Variants in SH3RF3 observed in about 807,000 individuals in gnomAD.
The protein encoded by SH3RF3 is SH3 domain containing ring finger 3, also known as E3 ubiquitin-protein ligase SH3RF3.
SH3RF3 carries 29 observed loss-of-function variants against 66.3 expected under a neutral mutation model. The ratio of observed to expected loss-of-function variants is 0.44; its 90% CI spans 0.33 to 0.60. SH3RF3 has a LOEUF of 0.60. Ranked by LOEUF, SH3RF3 falls within the 20% of genes least tolerant of loss-of-function variation. The pLI is 0.04. For synonymous variants in SH3RF3, 583 were observed against 532.0 expected (o/e 1.10, Z -1.32); for missense variants, 1,194 against 1,190.9 (o/e 1.00, Z -0.04).
intron 1 of SH3RF3, among the ~76,000 whole-genome samples, chr2:109,138,618 T>G (rs965146720): frequency 1.3e-5 from 2 of 152,214 alleles, no homozygotes; most frequent in Non-Finnish European, 2.9e-5. Context: ...CATTCTAGTC[T>G]TCCTGTTCAT....
At chr2:109,355,685 G>T (rs1426460346) in intron 2 of SH3RF3, among the ~76,000 whole-genome samples, 1 of 152,216 alleles carries the variant, frequency 6.6e-6, no homozygotes. Flanking sequence ...GTGTGCATCT[G>T]TTGGGAAACA....
chr2:109,457,569 C>T (rs145170370), intron 8 of SH3RF3, among the ~76,000 whole-genome samples: 1 of 152,358 alleles, frequency 6.6e-6, no homozygotes, highest in Non-Finnish European at 1.5e-5. Context: ...ACGAGCTGAA[C>T]AAGCAAGCGA....
intron 1 of SH3RF3, among the ~76,000 whole-genome samples, chr2:109,288,680 C>T (rs537880303): frequency 2.0e-5 from 3 of 152,238 alleles, no homozygotes; most frequent in African/African-American, 7.2e-5. Context: ...GTTTTTTTCT[C>T]TTTGCCGGGA....
At chr2:109,497,275 G>A (rs1361256286) in intron 9 of SH3RF3, among the ~76,000 whole-genome samples, 1 of 152,150 alleles carries the variant, frequency 6.6e-6, no homozygotes, top group African/African-American at 2.4e-5. Context: ...CACATTCCAT[G>A]GACTCAGGGG....
chr2:109,286,608 G>A (rs1681035303), intron 1 of SH3RF3, among the ~76,000 whole-genome samples: 1 of 152,212 alleles, frequency 6.6e-6, no homozygotes, highest in Admixed American at 6.5e-5. Context: ...CACATGGTGA[G>A]GGGAGCTTCC....
chr2:109,356,603 TC>T (rs1332044081), intron 2 of SH3RF3, among the ~76,000 whole-genome samples: 1 of 152,196 alleles, frequency 6.6e-6, no homozygotes, highest in East Asian at 1.9e-4. Flanking sequence ...CAAAGGCCCA[TC>T]CCAGGGCTTG....
intron 5 of SH3RF3, among the ~76,000 whole-genome samples, chr2:109,430,450 C>T (rs1363917180): frequency 6.6e-6 from 1 of 151,992 alleles, no homozygotes; most frequent in East Asian, 1.9e-4. Flanking sequence ...AGCCACCCTC[C>T]TCTCCTCTCC....
chr2:109,422,139 A>G (rs1159204416), intron 5 of SH3RF3, among the ~76,000 whole-genome samples: 1 of 152,224 alleles, frequency 6.6e-6, no homozygotes, highest in Non-Finnish European at 1.5e-5. Flanking sequence ...TCTGTAAGTC[A>G]CGTTCAGAAG....
chr2:109,272,887 C>T (rs552408175), intron 1 of SH3RF3, among the ~76,000 whole-genome samples: 13 of 152,310 alleles, frequency 8.5e-5, no homozygotes, highest in South Asian at 8.3e-4. Context: ...ATCCCTGACC[C>T]GGTTCCCTTG....
chr2:109,193,350 T>C (rs1678415895), intron 1 of SH3RF3, among the ~76,000 whole-genome samples: 1 of 152,232 alleles, frequency 6.6e-6, no homozygotes, highest in South Asian at 2.1e-4. Flanking sequence ...TCAGTGGTTT[T>C]AGTATATTCA....
intron 1 of SH3RF3, among the ~76,000 whole-genome samples, chr2:109,180,829 T>G (rs935208147): frequency 5.3e-5 from 8 of 152,154 alleles, no homozygotes; most frequent in Non-Finnish European, 8.8e-5. Context: ...ACTAATATAC[T>G]CAGTCAGCTA....
chr2:109,451,747 T>C (rs1254095926), intron 8 of SH3RF3, among the ~76,000 whole-genome samples: 1 of 152,264 alleles, frequency 6.6e-6, no homozygotes, highest in Non-Finnish European at 1.5e-5. Context: ...TCCCTCTTGA[T>C]GAAAGGCGAC....
chr2:109,264,433 C>A (rs1449358531), intron 1 of SH3RF3, among the ~76,000 whole-genome samples: 2 of 152,228 alleles, frequency 1.3e-5, no homozygotes, highest in Non-Finnish European at 2.9e-5. Context: ...CCACGATCCA[C>A]CCCAAGTCTG....
chr2:109,468,561 G>A (rs1678419528), intron 8 of SH3RF3, among the ~76,000 whole-genome samples: 2 of 152,196 alleles, frequency 1.3e-5, no homozygotes, highest in South Asian at 4.2e-4. Flanking sequence ...GTCAGGATAA[G>A]AAGGAAGTTA....
chr2:109,493,087 TACAA>T (rs1679174311), intron 9 of SH3RF3, among the ~76,000 whole-genome samples: 1 of 100,638 alleles, frequency 9.9e-6, no homozygotes, highest in South Asian at 3.1e-4. Flanking sequence ...ACACCATACA[TACAA>T]ACATACACAT....
chr2:109,140,916 T>C (rs1160074549), intron 1 of SH3RF3, among the ~76,000 whole-genome samples: 2 of 152,180 alleles, frequency 1.3e-5, no homozygotes, highest in African/African-American at 2.4e-5. Flanking sequence ...AACAACTTCA[T>C]GGGCTGAGAA....
chr2:109,352,130 A>C (rs1682851396), intron 2 of SH3RF3, among the ~76,000 whole-genome samples: 1 of 152,190 alleles, frequency 6.6e-6, no homozygotes, highest in Non-Finnish European at 1.5e-5. Flanking sequence ...TGGAGTTGAT[A>C]TTAGGATTAC....
chr2:109,464,368 T>G (rs1313572911), intron 8 of SH3RF3, among the ~76,000 whole-genome samples: 2 of 152,266 alleles, frequency 1.3e-5, no homozygotes, highest in Non-Finnish European at 1.5e-5. Flanking sequence ...ATAAGCATAT[T>G]TATGTATATA....
intron 3 of SH3RF3, among the ~76,000 whole-genome samples, chr2:109,390,495 A>G (rs55996823): frequency 0.032 from 4,820 of 152,246 alleles, 225 homozygotes; most frequent in African/African-American, 0.11. Flanking sequence ...TGAAATGACA[A>G]TGTAGATTGC....
Sources: gnomAD v4.1 joint callset for allele counts (sites outside exome capture counted in the v4.1 genomes callset) on GRCh38, gnomAD v4.1.1 for gene constraint, MANE v1.5 for transcripts, NCBI Gene and HGNC (gene_info 2026-07-23, HGNC 2026-07-21) for gene names.